The following DPY19L3 variants were observed in gnomAD, a reference collection of about 807,000 sequenced individuals.
The protein encoded by DPY19L3 is protein C-mannosyl-transferase DPY19L3.
A neutral mutation model predicts 92.3 loss-of-function variants in DPY19L3; 51 were observed. The ratio of observed to expected loss-of-function variants is 0.55; its 90% CI spans 0.44 to 0.70. The LOEUF (loss-of-function observed/expected upper bound fraction) is 0.70, where lower values mean the gene tolerates loss of function less well. Among genes scored for constraint, DPY19L3 ranks in the 30% least tolerant of loss-of-function variants. The pLI is 0.00. For synonymous variants in DPY19L3, 309 were observed against 315.2 expected, an observed-to-expected ratio of 0.98 and a Z score of 0.21; for missense variants, 706 against 855.9, an observed-to-expected ratio of 0.82 and a Z score of 2.18.
intron 16 of DPY19L3, among the ~76,000 whole-genome samples, chr19:32,470,378 T>G (rs538607083): frequency 1.3e-5 from 2 of 152,342 alleles, no homozygotes; most frequent in African/African-American, 2.4e-5. Context: ...TTTTCAGGAC[T>G]ATGCTGTTGA....
At chr19:32,453,029 C>A in intron 8 of DPY19L3, 116 bp from the exon 9 acceptor site, 1 of 1,214,564 alleles carries the variant, frequency 8.2e-7, no homozygotes, top group Non-Finnish European at 1.2e-6. Context: ...CTTGAATCTA[C>A]ATGTGTTTTC....
At chr19:32,436,308 A>G (rs1280354143) in intron 4 of DPY19L3, 138 bp from the exon 5 acceptor site, 4 of 444,036 alleles carry the variant, frequency 9.0e-6, no homozygotes, top group Non-Finnish European at 1.5e-5. Context: ...GGGCAGGAGT[A>G]TGTTTTTTTT....
Position 32,411,346 on chromosome 19 carries a change from A to G in DPY19L3, c.211A>G (p.Asn71Asp). The G allele has an allele frequency of 3.1e-6, 5 of 1,614,068 alleles. No homozygotes were observed. Among genetic ancestry groups the G allele is most frequent in the Non-Finnish European group, 4.2e-6 (5 of 1,179,990 alleles). The stretch of plus-strand genomic sequence containing the variant: ...TGTCTACCTTGCCACGTTACATGAA[A>G]ATGATTTATGGTTTTCTAATATTAA... ...TSVYLATLHE[N>D]DLWFSNIKEV... The change falls in exon 3 of 19, where the codon AAT (asparagine) becomes GAT (aspartate). Residue 71 changes from asparagine to aspartate, a missense_variant. Physicochemically the swap from Asn to Asp is conservative, Grantham distance 23. Coordinates refer to ENST00000392250, the MANE Select transcript of DPY19L3 (RefSeq NM_001172774.2).
At position 32,463,900 on chromosome 19, in the gene DPY19L3, G is replaced by A. The variant is rs751919095; in HGVS notation, c.1477G>A (p.Val493Met). Residue 493 changes from valine (V) to methionine (M), a missense_variant, in exon 14 of 19, where the codon GTG becomes ATG. Physicochemically the swap from Val to Met is conservative, Grantham distance 21. Coordinates refer to ENST00000392250, the MANE Select transcript of DPY19L3 (RefSeq NM_001172774.2). ...GTACCTCTGGACGTCACACATGTGT[G>A]TGTTCGCATCATTCGGCCTATGTAG... The part of the protein sequence containing the change: ...MKYLWTSHMC[V>M]FASFGLCSPE... 24 of 1,613,726 alleles carry A rather than the reference G, an allele frequency of 1.5e-5. No individual in the cohort carries two copies. Among genetic ancestry groups the A allele is most frequent in the East Asian group, 2.2e-5 (1 of 44,882 alleles).
chr19:32,472,338 A>G (rs978010530), intron 16 of DPY19L3, among the ~76,000 whole-genome samples: 1 of 152,114 alleles, frequency 6.6e-6, no homozygotes, highest in Non-Finnish European at 1.5e-5. Flanking sequence ...CGGTAGCCCC[A>G]GCCGCCTTCC....
rs776622429 is a variant in DPY19L3 at position 32,480,669 on chromosome 19, G to A, written c.1989+112G>A. ...TTAATGTCTAGTTGAATTACGCTAC[G>A]AATCAAGTATTTGCTTTTTCTCTTG... On this transcript the variant is annotated intron_variant, in intron 18 of 18. Coordinates refer to ENST00000392250, the MANE Select transcript of DPY19L3 (RefSeq NM_001172774.2). The A allele has an allele frequency of 3.2e-5, 42 of 1,329,136 alleles. No homozygotes were observed. The Admixed American group carries it at 8.0e-4, about 25-fold the overall frequency. 82.3% of individuals were successfully genotyped at this position (1,329,136 alleles called of 1,614,324 possible).
At chr19:32,457,351 G>C (rs545196226) in intron 10 of DPY19L3, among the ~76,000 whole-genome samples, 1 of 152,104 alleles carries the variant, frequency 6.6e-6, no homozygotes, top group Non-Finnish European at 1.5e-5. Context: ...TTATAAACCC[G>C]TGAGTAACAT....
At chr19:32,481,624 C>A (rs61027832) in intron 18 of DPY19L3, 20,390 of 152,488 alleles carry the variant, frequency 0.13, 1,759 homozygotes, top group East Asian at 0.45. Flanking sequence ...CTATGTTGCC[C>A]AGATGAGTCT....
chr19:32,436,246 G>T (rs1371255030), intron 4 of DPY19L3, among the ~76,000 whole-genome samples, 200 bp from the exon 5 acceptor site: 2 of 152,196 alleles, frequency 1.3e-5, no homozygotes, highest in Non-Finnish European at 2.9e-5. Context: ...ATTTACCTAT[G>T]TTTGTGTAAA....
intron 6 of DPY19L3, 133 bp downstream of exon 6, chr19:32,437,472 T>C (rs1969180754): frequency 3.9e-6 from 4 of 1,035,340 alleles, no homozygotes; most frequent in Non-Finnish European, 5.5e-6. Context: ...GTTTGCCTGG[T>C]GGTTTACTCA....
At position 32,477,591 on chromosome 19, in the gene DPY19L3, G is replaced by C; in HGVS notation, c.1767G>C (p.Thr589=). 2 of 1,614,114 alleles carry C rather than the reference G, an allele frequency of 1.2e-6. No homozygotes were observed. Among genetic ancestry groups the C allele is most frequent in the Non-Finnish European group, 1.7e-6 (2 of 1,180,022 alleles). Residue 589 remains threonine, a synonymous_variant, in exon 17 of 19, where the codon ACG becomes ACC. Transcript: ENST00000392250. ...TGCTGGCCGGAGTCAAGCTGTGCACGGGAAGGACCCTAACCAACCACCCGC... is the reference window on the plus strand; with the variant it reads ...TGCTGGCCGGAGTCAAGCTGTGCACCGGAAGGACCCTAACCAACCACCCGC... The part of the protein sequence containing the change: ...MQLLAGVKLC[T]GRTLTNHPHY...
chr19:32,454,431 G>A (rs933935430), intron 9 of DPY19L3, among the ~76,000 whole-genome samples: 3 of 152,124 alleles, frequency 2.0e-5, no homozygotes, highest in South Asian at 4.2e-4. Context: ...AAACTTAGCC[G>A]GGTGTTGTGG....
chr19:32,437,696 C>T (rs1303379449), intron 6 of DPY19L3, among the ~76,000 whole-genome samples: 1 of 151,728 alleles, frequency 6.6e-6, no homozygotes, highest in African/African-American at 2.4e-5. Context: ...TCATGGGCTA[C>T]ATAGTGATAT....
chr19:32,471,363 G>A (rs1340991212), intron 16 of DPY19L3, among the ~76,000 whole-genome samples: 3 of 152,194 alleles, frequency 2.0e-5, no homozygotes, highest in African/African-American at 4.8e-5. Flanking sequence ...ACACTCAAAT[G>A]TCTGTCTTCT....
intron 3 of DPY19L3, among the ~76,000 whole-genome samples, chr19:32,422,788 G>GA (rs2145436268): frequency 6.6e-6 from 1 of 152,292 alleles, no homozygotes; most frequent in African/African-American, 2.4e-5. Context: ...AGAGTTCTCT[G>GA]AAGTTGCTGA....
intron 8 of DPY19L3, among the ~76,000 whole-genome samples, chr19:32,442,232 A>G: frequency 6.6e-6 from 1 of 152,250 alleles, no homozygotes; most frequent in East Asian, 1.9e-4. Context: ...ATGAATGATG[A>G]AACTCTTACC....
chr19:32,480,684 T>C (rs759646903), intron 18 of DPY19L3, 127 bp downstream of exon 18: 8 of 1,284,650 alleles, frequency 6.2e-6, no homozygotes, highest in Non-Finnish European at 8.3e-6. Context: ...AAGTATTTGC[T>C]TTTTCTCTTG....
intron 3 of DPY19L3, among the ~76,000 whole-genome samples, chr19:32,421,018 G>T (rs1968550367): frequency 6.6e-6 from 1 of 151,988 alleles, no homozygotes; most frequent in Admixed American, 6.6e-5. Flanking sequence ...TACATACTAT[G>T]CTTTTTCCAT....
chr19:32,423,850 A>C (rs1000654496), intron 3 of DPY19L3, among the ~76,000 whole-genome samples: 2 of 151,848 alleles, frequency 1.3e-5, no homozygotes, highest in Non-Finnish European at 2.9e-5. Context: ...CCCCATCTCT[A>C]AAAACAAAAA....
Sources: gnomAD v4.1 joint callset for allele counts (sites outside exome capture counted in the v4.1 genomes callset) on GRCh38, gnomAD v4.1.1 for gene constraint, MANE v1.5 for transcripts, NCBI Gene and HGNC (gene_info 2026-07-23, HGNC 2026-07-21) for gene names.